ZCCHC17: variants seen among roughly 807,000 people sequenced by gnomAD.
ZCCHC17 encodes the protein zinc finger CCHC domain-containing protein 17.
ZCCHC17 carries 18 observed loss-of-function variants against 30.6 expected under a neutral mutation model. That is an observed-to-expected ratio of 0.59 (90% CI 0.41 to 0.87). ZCCHC17 has a LOEUF of 0.87. Among genes scored for constraint, ZCCHC17 ranks in the 40% least tolerant of loss-of-function variants. ZCCHC17 has a pLI of 0.00. For synonymous variants in ZCCHC17, 88 were observed against 92.4 expected, an observed-to-expected ratio of 0.95 and a Z score of 0.27; for missense variants, 263 against 284.2, an observed-to-expected ratio of 0.93 and a Z score of 0.54.
In ZCCHC17 at chr1:31,364,453, T is replaced by G; in HGVS notation, c.*260T>G. On this transcript the variant is annotated 3_prime_UTR_variant, in exon 8 of 8. Transcript: ENST00000344147. ...CAGCTCACCCATTCATTCACCCAACTTCCTTCATTCAGCAGGAGGTCCTAT... is the reference window on the plus strand; with the variant it reads ...CAGCTCACCCATTCATTCACCCAACGTCCTTCATTCAGCAGGAGGTCCTAT... 4.0e-6 allele frequency: 2 copies of G among 498,150 alleles called. No individual in the cohort carries two copies. The highest frequency in any genetic ancestry group is 3.3e-5 in the East Asian group (1 of 30,332). 30.9% of individuals were successfully genotyped at this position (498,150 alleles called of 1,614,324 possible).
intron 7 of ZCCHC17, among the ~76,000 whole-genome samples, chr1:31,360,608 A>G (rs922414226): frequency 6.6e-6 from 1 of 152,222 alleles, no homozygotes; most frequent in Non-Finnish European, 1.5e-5. Context: ...GTTGAGGTCT[A>G]GGAGAAGGCC....
chr1:31,346,023 A>G (rs1188083373), intron 5 of ZCCHC17, among the ~76,000 whole-genome samples: 2 of 152,178 alleles, frequency 1.3e-5, no homozygotes, highest in African/African-American at 4.8e-5. Context: ...GAGAAATGCA[A>G]CAAAGAGATT....
In ZCCHC17 at chr1:31,319,158, G is replaced by C; in HGVS notation, c.116G>C (p.Arg39Pro). The C allele has an allele frequency of 6.2e-7, 1 of 1,610,256 alleles. No homozygotes were observed. The highest frequency in any genetic ancestry group is 8.5e-7 in the Non-Finnish European group (1 of 1,177,230). ...GCCTTTATCAAAATCCCAGGCTGTC[G>C]GAAGCAAGGTAGGAGTTTATAACTT... ...YGAFIKIPGC[R>P]KQGLVHRTHM... is the part of the protein sequence containing the mutation. Residue 39 changes from arginine (R) to proline (P), a missense_variant, in exon 3 of 8, where the codon CGG becomes CCG. Physicochemically the swap from Arg to Pro is moderately radical, Grantham distance 103. Transcript: ENST00000344147.
intron 3 of ZCCHC17, among the ~76,000 whole-genome samples, chr1:31,336,603 C>T (rs1638827295): frequency 6.6e-6 from 1 of 152,058 alleles, no homozygotes; most frequent in African/African-American, 2.4e-5. Flanking sequence ...TCAAGGTATT[C>T]TCCCATCTTG....
At chr1:31,346,044 G>C (rs1405162431) in intron 5 of ZCCHC17, among the ~76,000 whole-genome samples, 2 of 152,160 alleles carry the variant, frequency 1.3e-5, no homozygotes, top group Non-Finnish European at 2.9e-5. Flanking sequence ...AATTCTGTCT[G>C]AGGGGCTCAG....
chr1:31,300,914 C>G (rs1485601305), intron 1 of ZCCHC17, among the ~76,000 whole-genome samples: 1 of 137,056 alleles, frequency 7.3e-6, no homozygotes, highest in African/African-American at 2.7e-5. Context: ...GCCTGGGTGA[C>G]AAGAACAAAA....
chr1:31,350,146 T>C (rs978935568), intron 7 of ZCCHC17, among the ~76,000 whole-genome samples: 2 of 152,234 alleles, frequency 1.3e-5, no homozygotes, highest in East Asian at 3.8e-4. Flanking sequence ...AAAACTATTC[T>C]GTAGGTTGAT....
intron 7 of ZCCHC17, among the ~76,000 whole-genome samples, chr1:31,353,868 T>C (rs2148475760): frequency 6.6e-6 from 1 of 152,354 alleles, no homozygotes. Context: ...TACTGTAGCT[T>C]TTTAGTAAGC....
chr1:31,319,072 T>C, intron 2 of ZCCHC17, 37 bp from the exon 3 acceptor site: 2 of 1,590,902 alleles, frequency 1.3e-6, no homozygotes, highest in Non-Finnish European at 1.7e-6. Context: ...AAGATTCTCA[T>C]GTATGTGACA....
intron 7 of ZCCHC17, among the ~76,000 whole-genome samples, chr1:31,356,046 T>C (rs1639632608): frequency 6.6e-6 from 1 of 152,196 alleles, no homozygotes; most frequent in Non-Finnish European, 1.5e-5. Context: ...AGTTGGACAG[T>C]GGAGAGTAGG....
intron 1 of ZCCHC17, among the ~76,000 whole-genome samples, chr1:31,304,301 C>G (rs1369463970): frequency 1.3e-5 from 2 of 149,728 alleles, no homozygotes; most frequent in African/African-American, 4.9e-5. Flanking sequence ...GAGACAGAGT[C>G]TCTGTTGCCC....
chr1:31,319,134 C>T lies in ZCCHC17; in HGVS notation c.92C>T (p.Ala31Val), dbSNP rs765856176. 1.4e-5 allele frequency: 23 copies of T among 1,610,120 alleles called. No individual in the cohort carries two copies. The highest frequency in any genetic ancestry group is 1.9e-5 in the Non-Finnish European group (22 of 1,177,266). The part of the protein sequence containing the change: ...GEVAMVTDYG[A>V]FIKIPGCRKQ... Reference sequence around the variant, plus strand: ...GTTGCTATGGTGACAGACTATGGGGCCTTTATCAAAATCCCAGGCTGTCGG... The same window carrying T: ...GTTGCTATGGTGACAGACTATGGGGTCTTTATCAAAATCCCAGGCTGTCGG... The change falls in exon 3 of 8, where the codon GCC (alanine) becomes GTC (valine). Residue 31 changes from alanine (A) to valine (V), a missense_variant. Transcript: ENST00000344147.
At chr1:31,349,434 G>A (rs1315981397) in intron 7 of ZCCHC17, among the ~76,000 whole-genome samples, 3 of 152,066 alleles carry the variant, frequency 2.0e-5, no homozygotes, top group Admixed American at 1.3e-4. Context: ...AGGTTCAAGC[G>A]ATTCTCATGC....
intron 5 of ZCCHC17, among the ~76,000 whole-genome samples, chr1:31,339,533 A>G (rs542533362): frequency 1.3e-5 from 2 of 152,184 alleles, no homozygotes; most frequent in Non-Finnish European, 2.9e-5. Flanking sequence ...GTAATAAAAT[A>G]AAAATAGTTA....
At chr1:31,329,093 T>C (rs967758120) in intron 3 of ZCCHC17, among the ~76,000 whole-genome samples, 3 of 152,176 alleles carry the variant, frequency 2.0e-5, no homozygotes, top group Non-Finnish European at 2.9e-5. Context: ...CTCTGTCACC[T>C]CATTAAAATA....
At chr1:31,306,612 C>G (rs9970421) in intron 1 of ZCCHC17, among the ~76,000 whole-genome samples, 4,829 of 152,122 alleles carry the variant, frequency 0.032, 238 homozygotes, top group East Asian at 0.15. Context: ...GTGGAAAGTA[C>G]AACTGTGGAT....
At chr1:31,303,435 T>G (rs1646367939) in intron 1 of ZCCHC17, among the ~76,000 whole-genome samples, 1 of 152,198 alleles carries the variant, frequency 6.6e-6, no homozygotes, top group Non-Finnish European at 1.5e-5. Flanking sequence ...TTCTAGTCAA[T>G]TAGTACTCAA....
chr1:31,305,782 G>C (rs1646439169), intron 1 of ZCCHC17, among the ~76,000 whole-genome samples: 3 of 152,034 alleles, frequency 2.0e-5, no homozygotes, highest in Non-Finnish European at 2.9e-5. Flanking sequence ...ATTAACTAAG[G>C]AGCCTCTGAG....
At chr1:31,305,289 C>CT (rs1464209293) in intron 1 of ZCCHC17, among the ~76,000 whole-genome samples, 8 of 150,094 alleles carry the variant, frequency 5.3e-5, no homozygotes, top group Non-Finnish European at 1.0e-4. Context: ...TTTTTAATTT[C>CT]TTTTTTTTGA....
Sources: gnomAD v4.1 joint callset for allele counts (sites outside exome capture counted in the v4.1 genomes callset) on GRCh38, gnomAD v4.1.1 for gene constraint, MANE v1.5 for transcripts, NCBI Gene and HGNC (gene_info 2026-07-23, HGNC 2026-07-21) for gene names.